NRXN1: variants seen among roughly 807,000 people sequenced by gnomAD.
NRXN1 encodes neurexin 1.
Under a neutral mutation model 150.9 loss-of-function variants are expected in NRXN1, and 39 were observed. The observed-to-expected ratio is 0.26, with a 90% confidence interval of 0.20 to 0.34. NRXN1 has a LOEUF of 0.34. Among genes scored for constraint, NRXN1 ranks in the 10% least tolerant of loss-of-function variants. The pLI, the probability that NRXN1 is intolerant of heterozygous loss-of-function variation, is 1.00. For missense variants in NRXN1, 1,815 were observed against 1,949.9 expected, an observed-to-expected ratio of 0.93 and a Z score of 1.30; for synonymous variants, 924 against 757.0, an observed-to-expected ratio of 1.22 and a Z score of -3.62.
chr2:50,151,629 T>C (rs774608516), intron 18 of NRXN1, among the ~76,000 whole-genome samples: 4 of 151,572 alleles, frequency 2.6e-5, no homozygotes, highest in Non-Finnish European at 5.9e-5. Flanking sequence ...ATAAATAATA[T>C]GGGATAGAAA....
intron 19 of NRXN1, among the ~76,000 whole-genome samples, chr2:50,066,642 T>C (rs2152657268): frequency 6.6e-6 from 1 of 152,242 alleles, no homozygotes; most frequent in African/African-American, 2.4e-5. Context: ...ACATATTTAG[T>C]CTCAAAATAT....
chr2:50,267,303 T>G (rs1424806511), intron 17 of NRXN1, among the ~76,000 whole-genome samples: 1 of 152,210 alleles, frequency 6.6e-6, no homozygotes, highest in Non-Finnish European at 1.5e-5. Context: ...TAAGCTGTAT[T>G]CATATTTTTT....
chr2:50,516,117 A>T (rs565945768), intron 12 of NRXN1, among the ~76,000 whole-genome samples: 36 of 152,352 alleles, frequency 2.4e-4, no homozygotes, highest in African/African-American at 8.4e-4. Context: ...ACATTCAATT[A>T]CAAATTAAAT....
intron 17 of NRXN1, among the ~76,000 whole-genome samples, chr2:50,408,901 GCACCT>G (rs1379308422): frequency 6.9e-6 from 1 of 144,618 alleles, no homozygotes; most frequent in East Asian, 2.0e-4. Context: ...AAATCTGACT[GCACCT>G]TTTCAGAACA....
chr2:50,370,779 G>T (rs557815269), intron 17 of NRXN1, among the ~76,000 whole-genome samples: 5 of 151,896 alleles, frequency 3.3e-5, no homozygotes, highest in Non-Finnish European at 7.4e-5. Context: ...TTGCTTTAGC[G>T]AACACGAATT....
intron 17 of NRXN1, among the ~76,000 whole-genome samples, chr2:50,379,091 G>A (rs2080743409): frequency 6.6e-6 from 1 of 151,896 alleles, no homozygotes; most frequent in Non-Finnish European, 1.5e-5. Context: ...GCTACAATAT[G>A]TTTGAACAGA....
chr2:50,534,253 A>C (rs2093195442), intron 10 of NRXN1, among the ~76,000 whole-genome samples: 1 of 152,162 alleles, frequency 6.6e-6, no homozygotes, highest in South Asian at 2.1e-4. Context: ...CATGAACGAA[A>C]TATGTAATAA....
chr2:50,109,022 A>G (rs564397005), intron 18 of NRXN1, among the ~76,000 whole-genome samples: 10 of 152,286 alleles, frequency 6.6e-5, no homozygotes, highest in African/African-American at 2.4e-4. Flanking sequence ...AGGAGTGGCA[A>G]AGATATTGAG....
intron 18 of NRXN1, among the ~76,000 whole-genome samples, chr2:50,162,256 T>C (rs2059408961): frequency 6.6e-6 from 1 of 152,114 alleles, no homozygotes; most frequent in Non-Finnish European, 1.5e-5. Context: ...AAAACATCAT[T>C]ACTGGCACTA....
chr2:50,688,505 C>T (rs1234572330), intron 5 of NRXN1, among the ~76,000 whole-genome samples: 2 of 152,068 alleles, frequency 1.3e-5, no homozygotes, highest in East Asian at 3.9e-4. Flanking sequence ...CAGAGTGGTG[C>T]AGGACTGGGT....
At chr2:50,154,775 A>G (rs570401991) in intron 18 of NRXN1, among the ~76,000 whole-genome samples, 9 of 151,876 alleles carry the variant, frequency 5.9e-5, no homozygotes, top group Admixed American at 3.9e-4. Context: ...ATTTTTCAAA[A>G]GAAAGTCATG....
chr2:50,415,146 G>T (rs1403358008), intron 17 of NRXN1, among the ~76,000 whole-genome samples: 2 of 152,084 alleles, frequency 1.3e-5, no homozygotes, highest in East Asian at 3.8e-4. Flanking sequence ...ATGAGTTTTA[G>T]TGCTTTTAAA....
chr2:50,615,207 T>G (rs919012331), intron 8 of NRXN1: 1 of 152,134 alleles, frequency 6.6e-6, no homozygotes, highest in Non-Finnish European at 1.5e-5. Flanking sequence ...CTCATTTTTT[T>G]TCTCTCTCTC....
chr2:50,334,857 G>A (rs1030579891), intron 17 of NRXN1, among the ~76,000 whole-genome samples: 12 of 152,162 alleles, frequency 7.9e-5, no homozygotes, highest in East Asian at 1.9e-4. Flanking sequence ...GAGGAGGGGC[G>A]ATACAGACTA....
intron 5 of NRXN1, among the ~76,000 whole-genome samples, chr2:50,905,904 T>C (rs751398010): frequency 6.6e-6 from 1 of 152,106 alleles, no homozygotes; most frequent in South Asian, 2.1e-4. Flanking sequence ...TGAATAGAAA[T>C]AACTTCCCCA....
At chr2:50,561,691 A>G (rs945061686) in intron 8 of NRXN1, among the ~76,000 whole-genome samples, 2 of 152,210 alleles carry the variant, frequency 1.3e-5, no homozygotes, top group African/African-American at 4.8e-5. Flanking sequence ...GCTTATTTAA[A>G]GGTGACTCCA....
At chr2:50,991,596 C>A (rs761907311) in intron 2 of NRXN1, among the ~76,000 whole-genome samples, 3 of 151,990 alleles carry the variant, frequency 2.0e-5, no homozygotes, top group Non-Finnish European at 2.9e-5. Flanking sequence ...GTCATTCACC[C>A]ATCTATCCTC....
intron 17 of NRXN1, among the ~76,000 whole-genome samples, chr2:50,336,107 G>A (rs1465089777): frequency 6.6e-6 from 1 of 152,144 alleles, no homozygotes. Context: ...GACGCAATGA[G>A]AATTATAAGA....
intron 2 of NRXN1, among the ~76,000 whole-genome samples, chr2:50,944,151 T>C (rs1294250712): frequency 1.3e-5 from 2 of 152,228 alleles, no homozygotes; most frequent in Admixed American, 6.5e-5. Flanking sequence ...AATCTGGTAC[T>C]ATAAAAGCAG....
Sources: gnomAD v4.1 joint callset for allele counts (sites outside exome capture counted in the v4.1 genomes callset) on GRCh38, gnomAD v4.1.1 for gene constraint, MANE v1.5 for transcripts, NCBI Gene and HGNC (gene_info 2026-07-23, HGNC 2026-07-21) for gene names.